Variants in SYT7 observed in about 807,000 individuals in gnomAD.
SYT7 encodes synaptotagmin 7, also known as synaptotagmin-7.
A neutral mutation model predicts 75.1 loss-of-function variants in SYT7; 29 were observed. That is an observed-to-expected ratio of 0.39 (90% CI 0.29 to 0.53). SYT7 has a LOEUF of 0.53. SYT7 is among the 20% of genes least tolerant of loss of function. The pLI, the probability that SYT7 is intolerant of heterozygous loss-of-function variation, is 0.77. For synonymous variants in SYT7, 376 were observed against 401.7 expected, an observed-to-expected ratio of 0.94 and a Z score of 0.76; for missense variants, 693 against 953.2, an observed-to-expected ratio of 0.73 and a Z score of 3.59.
At chr11:61,520,290 A>G (rs1302197674) in intron 12 of SYT7, among the ~76,000 whole-genome samples, 2 of 152,072 alleles carry the variant, frequency 1.3e-5, no homozygotes, top group East Asian at 1.9e-4. Context: ...GTAGGAGGCC[A>G]AAGTGGGAGA....
intron 8 of SYT7, among the ~76,000 whole-genome samples, chr11:61,528,597 A>T (rs2062604556): frequency 6.6e-6 from 1 of 152,140 alleles, no homozygotes; most frequent in East Asian, 1.9e-4. Flanking sequence ...GGAGGCACCG[A>T]CACAAACCTG....
intron 12 of SYT7, among the ~76,000 whole-genome samples, chr11:61,519,066 A>G (rs532058415): frequency 6.6e-6 from 1 of 152,336 alleles, no homozygotes; most frequent in South Asian, 2.1e-4. Flanking sequence ...GGTGATGTCC[A>G]GCCCCCCTGA....
rs2063189622 is a variant in SYT7, at chr11:61,546,350, G to A, written c.348-95C>T. 3.8e-6 allele frequency: 3 copies of A among 787,612 alleles called. No individual in the cohort carries two copies. Among genetic ancestry groups the A allele is most frequent in the Admixed American group, 3.3e-5 (1 of 29,982 alleles). 48.8% of individuals were successfully genotyped at this position (787,612 alleles called of 1,614,324 possible). On this transcript the variant is annotated intron_variant, in intron 4 of 12. Transcript: ENST00000539008. This position sits in a 1 kb window ranked among gnomAD's most constrained non-coding sequence, Gnocchi z 7.6. ...CATACGTGGGGGTCGGGGGGTGGAAGAGGAAGAAAAACAATAACAGATAAA... is the reference window on the plus strand; with the variant it reads ...CATACGTGGGGGTCGGGGGGTGGAAAAGGAAGAAAAACAATAACAGATAAA...
intron 7 of SYT7, among the ~76,000 whole-genome samples, chr11:61,535,224 CAGAGACGGGCG>C (rs1403157618): frequency 6.6e-6 from 1 of 152,172 alleles, no homozygotes; most frequent in Non-Finnish European, 1.5e-5. Context: ...GAAAGTTAGT[CAGAGACGGGCG>C]AAGGCTGCCG....
At chr11:61,548,453 A>G (rs2063254231) in intron 3 of SYT7, among the ~76,000 whole-genome samples, 1 of 152,212 alleles carries the variant, frequency 6.6e-6, no homozygotes, top group Non-Finnish European at 1.5e-5. Flanking sequence ...GGGCGCCACC[A>G]GCTCATCAGG....
intron 7 of SYT7, among the ~76,000 whole-genome samples, chr11:61,537,360 C>G (rs2062898247): frequency 6.6e-6 from 1 of 151,282 alleles, no homozygotes; most frequent in South Asian, 2.1e-4. Flanking sequence ...GAGACGGAGA[C>G]AGTAGGAGAT....
chr11:61,538,186 T>C lies in SYT7; in HGVS notation c.1022A>G (p.Asn341Ser). 3 of 1,535,972 alleles carry C rather than the reference T, an allele frequency of 2.0e-6. No individual in the cohort carries two copies. Among genetic ancestry groups the C allele is most frequent in the Non-Finnish European group, 2.6e-6 (3 of 1,146,854 alleles). ...GTTCTGGTTCTGCTGGGTTCCTGGGTTTTGCAGGTCAGGGATATTGGCAAA... is the reference window on the plus strand; with the variant it reads ...GTTCTGGTTCTGCTGGGTTCCTGGGCTTTGCAGGTCAGGGATATTGGCAAA... The part of the protein sequence containing the change: ...DDFANIPDLQ[N>S]PGTQQNQNAQ... Residue 341 changes from asparagine to serine, a missense_variant, in exon 7 of 13, where the codon AAC becomes AGC. Around this residue, in one of 2 missense-constraint regions of SYT7, gnomAD observed 487 missense variants for 593.2 expected, o/e 0.82. Coordinates refer to ENST00000539008, the MANE Select transcript of SYT7 (RefSeq NM_001365809.2).
rs1427582057 is a variant in SYT7 at position 61,547,068 on chromosome 11, A to C, written c.347+109T>G. On this transcript the variant is annotated intron_variant, in intron 4 of 12. Coordinates refer to ENST00000539008, the MANE Select transcript of SYT7 (RefSeq NM_001365809.2). ...GTGGGGAAGTTGGGGGACAGGAGCG[A>C]GAGGAGAGAGGGAGTGAGCGGGTCC... is the stretch of plus-strand genomic sequence containing the variant. The C allele has an allele frequency of 2.0e-5, 27 of 1,330,352 alleles. No homozygotes were observed. The East Asian group carries it at 6.4e-4, about 32-fold the overall frequency. 82.4% of individuals were successfully genotyped at this position (1,330,352 alleles called of 1,614,324 possible). A position where few individuals can be genotyped will look rare whatever the true frequency, so the allele number is the denominator to read the frequency against.
At chr11:61,569,963 C>T (rs2063877409) in intron 1 of SYT7, among the ~76,000 whole-genome samples, 1 of 152,252 alleles carries the variant, frequency 6.6e-6, no homozygotes, top group African/African-American at 2.4e-5. Context: ...CCAGATGCTC[C>T]ACTCACCCGG....
At chr11:61,532,301 G>C (rs540134314) in intron 8 of SYT7, among the ~76,000 whole-genome samples, 2 of 152,260 alleles carry the variant, frequency 1.3e-5, no homozygotes, top group South Asian at 2.1e-4. Context: ...TCTTTGGAAA[G>C]TACAGGTGGG....
chr11:61,539,744 G>A (rs1385911593), intron 6 of SYT7: 1 of 152,160 alleles, frequency 6.6e-6, no homozygotes, highest in Non-Finnish European at 1.5e-5. Flanking sequence ...GCGAGGGCAC[G>A]AGGGTCTTGG....
At position 61,542,589 on chromosome 11, in the gene SYT7, G is replaced by C; in HGVS notation, c.573-10C>G. On this transcript the variant is annotated splice_polypyrimidine_tract_variant and intron_variant, in intron 5 of 12. Coordinates refer to ENST00000539008, the MANE Select transcript of SYT7 (RefSeq NM_001365809.2). The surrounding 1 kb of genome is among the most constrained non-coding windows in gnomAD (Gnocchi z 7.8). ...GGTGGAGTCCTCGAAACTTGGGGCAGGTGGAGGAGAGGAGAGAAAGGAGAA... is the reference window on the plus strand; with the variant it reads ...GGTGGAGTCCTCGAAACTTGGGGCACGTGGAGGAGAGGAGAGAAAGGAGAA... The C allele has an allele frequency of 1.3e-6, 2 of 1,484,366 alleles. No individual in the cohort carries two copies. The highest frequency in any genetic ancestry group is 1.8e-6 in the Non-Finnish European group (2 of 1,120,692). 91.9% of individuals were successfully genotyped at this position (1,484,366 alleles called of 1,614,324 possible). A position where few individuals can be genotyped will look rare whatever the true frequency, so the allele number is the denominator to read the frequency against.
chr11:61,555,435 G>A (rs1459887561), intron 2 of SYT7, among the ~76,000 whole-genome samples: 1 of 152,210 alleles, frequency 6.6e-6, no homozygotes, highest in African/African-American at 2.4e-5. Flanking sequence ...GCGGGGCGGC[G>A]CGATGCGGGG....
intron 1 of SYT7, among the ~76,000 whole-genome samples, chr11:61,571,857 G>C (rs2063930633): frequency 6.6e-6 from 1 of 152,174 alleles, no homozygotes; most frequent in African/African-American, 2.4e-5. Context: ...CTCTGTCATT[G>C]CCAGGTATGG....
chr11:61,541,503 T>C (rs7932746), intron 6 of SYT7, among the ~76,000 whole-genome samples: 7,894 of 152,166 alleles, frequency 0.052, 650 homozygotes, highest in African/African-American at 0.18. Context: ...GGTGTGTTGT[T>C]ACTTCTTAGA....
At position 61,538,114 on chromosome 11, in the gene SYT7, G is replaced by A. The variant is rs1047538530; in HGVS notation, c.1064+30C>T. 5.4e-5 allele frequency: 83 copies of A among 1,533,794 alleles called. No homozygotes were observed. In the African/African-American group the frequency reaches 5.5e-4, roughly 10 times the overall value. ...TCTCCGCGCCTCCTTCTCTGCCGCC[G>A]CCGCCGCAGGCCCTCGCCTGTGCTC... On this transcript the variant is annotated intron_variant, in intron 7 of 12. Transcript: ENST00000539008.
chr11:61,582,040 GCACAGAGACCT>G (rs2064287345), upstream of SYT7, among the ~76,000 whole-genome samples: 2 of 151,858 alleles, frequency 1.3e-5, no homozygotes, highest in Admixed American at 6.6e-5. Context: ...GGTATGGTAG[GCACAGAGACCT>G]CCCTGCACAC....
chr11:61,568,835 C>A (rs2063844818), intron 1 of SYT7, among the ~76,000 whole-genome samples: 1 of 152,218 alleles, frequency 6.6e-6, no homozygotes, highest in South Asian at 2.1e-4. Flanking sequence ...TGAATTGACC[C>A]TCATGATCTT....
Position 61,542,351 on chromosome 11 carries a change from A to G in SYT7, c.801T>C (p.Tyr267=). 1 of 1,530,618 alleles carries G rather than the reference A, an allele frequency of 6.5e-7. No homozygotes were observed. The highest frequency in any genetic ancestry group is 8.7e-7 in the Non-Finnish European group (1 of 1,144,338). 94.8% of individuals were successfully genotyped at this position (1,530,618 alleles called of 1,614,324 possible). The change falls in exon 6 of 13, where the codon TAT becomes TAC. Residue 267 remains tyrosine, a synonymous_variant. Transcript: ENST00000539008. The surrounding 1 kb of genome is among the most constrained non-coding windows in gnomAD (Gnocchi z 7.8). ...TGCCCTGCCGAGCCTGGCCCCGGCC[A>G]TAGGCCCGGGGGTTGGGGCCTGGTG... is the stretch of plus-strand genomic sequence containing the variant. ...ASAPGPNPRA[Y]GRGQARQGTS...
Sources: gnomAD v4.1 joint callset for allele counts (sites outside exome capture counted in the v4.1 genomes callset) on GRCh38, gnomAD v4.1.1 for gene constraint, gnomAD v4.1.1 regional missense constraint, Gnocchi (gnomAD v3.1) non-coding constraint, MANE v1.5 for transcripts, NCBI Gene and HGNC (gene_info 2026-07-23, HGNC 2026-07-21) for gene names.